ERC2: variants seen among roughly 807,000 people sequenced by gnomAD.
The protein encoded by ERC2 is ERC protein 2.
A neutral mutation model predicts 114.8 loss-of-function variants in ERC2; 42 were observed. The observed-to-expected ratio is 0.37, with a 90% confidence interval of 0.29 to 0.47. ERC2 has a LOEUF of 0.47. Ranked by LOEUF, ERC2 falls within the 20% of genes least tolerant of loss-of-function variation. The pLI is 0.99. For missense variants in ERC2, 939 were observed against 1,150.7 expected (o/e 0.82, Z 2.66); for synonymous variants, 454 against 425.5 (o/e 1.07, Z -0.82).
At chr3:56,029,674 C>T (rs2074260573) in intron 7 of ERC2, among the ~76,000 whole-genome samples, 1 of 151,494 alleles carries the variant, frequency 6.6e-6, no homozygotes, top group Non-Finnish European at 1.5e-5. Context: ...GTAATGATAG[C>T]TTCTGTTTCA....
At chr3:55,722,107 A>G (rs373329981) in intron 15 of ERC2, among the ~76,000 whole-genome samples, 1 of 152,084 alleles carries the variant, frequency 6.6e-6, no homozygotes, top group Admixed American at 6.5e-5. Context: ...CTTTTTGCCC[A>G]ATTCCATTCC....
intron 15 of ERC2, among the ~76,000 whole-genome samples, chr3:55,708,534 G>A (rs996312096): frequency 6.6e-6 from 1 of 152,170 alleles, no homozygotes; most frequent in East Asian, 1.9e-4. Flanking sequence ...AGTATGCAGA[G>A]CATGAAGAGC....
intron 14 of ERC2, among the ~76,000 whole-genome samples, chr3:55,745,673 T>C (rs1348799473): frequency 1.3e-5 from 2 of 152,336 alleles, no homozygotes; most frequent in Non-Finnish European, 1.5e-5. Flanking sequence ...GAAAACCAAA[T>C]ACATCTGGAC....
At chr3:56,026,248 C>T (rs1274849342) in intron 7 of ERC2, among the ~76,000 whole-genome samples, 1 of 151,848 alleles carries the variant, frequency 6.6e-6, no homozygotes, top group Non-Finnish European at 1.5e-5. Context: ...TGGGGTTTCA[C>T]CATGTTGGCC....
intron 7 of ERC2, among the ~76,000 whole-genome samples, chr3:56,059,898 G>A (rs563147289): frequency 4.6e-5 from 7 of 152,078 alleles, no homozygotes; most frequent in Non-Finnish European, 1.0e-4. Context: ...AGGTTATATT[G>A]ACTTTCCCTC....
chr3:55,676,441 C>CTTATTATTATTATTATTA (rs71619901), intron 17 of ERC2, among the ~76,000 whole-genome samples: 12 of 142,198 alleles, frequency 8.4e-5, no homozygotes, highest in East Asian at 2.0e-4. Flanking sequence ...TACTGAGCTG[C>CTTATTATTATTATTATTA]TTATTATTAT....
chr3:56,436,699 C>T (rs937211379), intron 1 of ERC2, among the ~76,000 whole-genome samples: 4 of 152,140 alleles, frequency 2.6e-5, no homozygotes, highest in African/African-American at 9.7e-5. Flanking sequence ...GGGCATGTGA[C>T]CCACATTGGT....
intron 17 of ERC2, among the ~76,000 whole-genome samples, chr3:55,623,114 G>A (rs902398732): frequency 6.6e-6 from 1 of 152,284 alleles, no homozygotes; most frequent in East Asian, 1.9e-4. Context: ...CCTGAGGATG[G>A]TATAAAGTGG....
At chr3:56,108,575 A>G (rs187479402) in intron 6 of ERC2, among the ~76,000 whole-genome samples, 16 of 152,290 alleles carry the variant, frequency 1.1e-4, no homozygotes, top group South Asian at 4.1e-4. Context: ...AAACTTAATA[A>G]GCATCATAAA....
At chr3:56,414,869 C>A (rs1446892547) in intron 2 of ERC2, among the ~76,000 whole-genome samples, 2 of 152,130 alleles carry the variant, frequency 1.3e-5, no homozygotes, top group Admixed American at 1.3e-4. Context: ...ACCAACATTT[C>A]GAATTTAAAA....
intron 14 of ERC2, chr3:55,852,718 T>C (rs370844767): frequency 1.3e-5 from 2 of 152,742 alleles, no homozygotes; most frequent in South Asian, 4.1e-4. Context: ...CATTTACTCA[T>C]AACTGAACTC....
chr3:55,963,507 G>T (rs895417283), intron 12 of ERC2, among the ~76,000 whole-genome samples: 1 of 152,170 alleles, frequency 6.6e-6, no homozygotes, highest in Non-Finnish European at 1.5e-5. Context: ...CAGGACCAAA[G>T]GGGCAAACCC....
intron 2 of ERC2, among the ~76,000 whole-genome samples, chr3:56,338,949 C>T (rs2057973904): frequency 1.3e-5 from 2 of 152,144 alleles, no homozygotes; most frequent in Admixed American, 1.3e-4. Context: ...AGAGATAAGA[C>T]AAGTGCCTGA....
intron 17 of ERC2, among the ~76,000 whole-genome samples, chr3:55,672,922 T>C (rs1290150143): frequency 2.0e-5 from 3 of 152,166 alleles, no homozygotes; most frequent in Non-Finnish European, 4.4e-5. Context: ...CCGGGCTCCA[T>C]CAGCATGTTG....
chr3:55,623,903 G>A (rs1363302636), intron 17 of ERC2, among the ~76,000 whole-genome samples: 1 of 152,218 alleles, frequency 6.6e-6, no homozygotes, highest in Non-Finnish European at 1.5e-5. Context: ...TTATGTTCAA[G>A]TGCTATTTCT....
chr3:56,048,302 T>C (rs996138026), intron 7 of ERC2, among the ~76,000 whole-genome samples: 1 of 152,188 alleles, frequency 6.6e-6, no homozygotes, highest in Non-Finnish European at 1.5e-5. Flanking sequence ...GCGTAACAAG[T>C]CTATGATTTG....
chr3:55,630,877 C>T (rs2059726798), intron 17 of ERC2, among the ~76,000 whole-genome samples: 1 of 151,606 alleles, frequency 6.6e-6, no homozygotes, highest in Non-Finnish European at 1.5e-5. Context: ...ATCTAGATAA[C>T]ACTGGAGAAT....
chr3:56,088,714 G>T (rs1383530381), intron 6 of ERC2, among the ~76,000 whole-genome samples: 2 of 152,070 alleles, frequency 1.3e-5, no homozygotes, highest in Non-Finnish European at 2.9e-5. Context: ...CATAACAATG[G>T]CCTTTCAAAT....
At chr3:56,295,952 A>C in intron 3 of ERC2, 67 bp downstream of exon 3, 1 of 1,470,618 alleles carries the variant, frequency 6.8e-7, no homozygotes, top group South Asian at 1.4e-5. Flanking sequence ...CAACCTGTGA[A>C]AATAACTTGA....
Sources: gnomAD v4.1 joint callset for allele counts (sites outside exome capture counted in the v4.1 genomes callset) on GRCh38, gnomAD v4.1.1 for gene constraint, MANE v1.5 for transcripts, NCBI Gene and HGNC (gene_info 2026-07-23, HGNC 2026-07-21) for gene names.